EFL1: variants seen among roughly 807,000 people sequenced by gnomAD.
EFL1 encodes the protein elongation factor like GTPase 1.
EFL1 carries 76 observed loss-of-function variants against 126.7 expected under a neutral mutation model. That is an observed-to-expected ratio of 0.60 (90% CI 0.50 to 0.73). The LOEUF (loss-of-function observed/expected upper bound fraction) is 0.73. EFL1 is among the 30% of genes least tolerant of loss of function. EFL1 has a pLI of 0.00. For synonymous variants in EFL1, 410 were observed against 448.4 expected (o/e 0.91, Z 1.08); for missense variants, 1,128 against 1,343.2 (o/e 0.84, Z 2.50).
chr15:82,140,907 G>C (rs966854375), intron 18 of EFL1, among the ~76,000 whole-genome samples: 1 of 152,036 alleles, frequency 6.6e-6, no homozygotes, highest in Non-Finnish European at 1.5e-5. Context: ...TTTCTCCCAG[G>C]GTAGCCCATT....
At chr15:82,141,314 C>A (rs2073784027) in intron 18 of EFL1, among the ~76,000 whole-genome samples, 2 of 152,144 alleles carry the variant, frequency 1.3e-5, no homozygotes, top group South Asian at 4.1e-4. Context: ...GAAAAGAAAT[C>A]TTACCATAAC....
intron 16 of EFL1, chr15:82,160,032 C>T (rs936413576): frequency 6.6e-6 from 1 of 152,298 alleles, no homozygotes; most frequent in Non-Finnish European, 1.5e-5. Flanking sequence ...TCATCCTTGC[C>T]TCCTGATATT....
At chr15:82,228,556 T>C (rs1174397078) in intron 9 of EFL1, among the ~76,000 whole-genome samples, 1 of 152,080 alleles carries the variant, frequency 6.6e-6, no homozygotes, top group Non-Finnish European at 1.5e-5. Context: ...TTCTCCACCA[T>C]CTCCTCAAGC....
At chr15:82,175,533 T>C (rs1436360156) in intron 15 of EFL1, among the ~76,000 whole-genome samples, 1 of 152,160 alleles carries the variant, frequency 6.6e-6, no homozygotes, top group Non-Finnish European at 1.5e-5. Flanking sequence ...ATTTTCAATA[T>C]GAATGGGGTT....
chr15:82,172,904 A>G lies in EFL1; in HGVS notation c.1751-8920T>C, dbSNP rs563666511. On this transcript the variant is annotated intron_variant, in intron 15 of 19. Transcript: ENST00000268206. The stretch of plus-strand genomic sequence containing the variant: ...TATTTATCCCTTACATTAAAGTATT[A>G]TACTGATATTTTTGAAATTATGCAG... Among the ~76,000 whole-genome samples the G allele has an allele frequency of 4.6e-5, 7 of 152,330 alleles. No individual in the cohort carries two copies. The East Asian group carries it at 1.2e-3, about 25-fold the overall frequency.
intron 18 of EFL1, among the ~76,000 whole-genome samples, chr15:82,140,981 C>G (rs1415774906): frequency 6.6e-6 from 1 of 152,214 alleles, no homozygotes; most frequent in Non-Finnish European, 1.5e-5. Context: ...CCTGAAGTTT[C>G]TGACCATCAG....
At chr15:82,191,035 G>A (rs1421991119) in intron 15 of EFL1, among the ~76,000 whole-genome samples, 1 of 148,476 alleles carries the variant, frequency 6.7e-6, no homozygotes, top group Non-Finnish European at 1.5e-5. Flanking sequence ...AAAAAAAAAA[G>A]GGGGGGGAGT....
chr15:82,198,037 C>T (rs1469517967), intron 15 of EFL1, among the ~76,000 whole-genome samples: 1 of 152,200 alleles, frequency 6.6e-6, no homozygotes, highest in Admixed American at 6.5e-5. Context: ...CATTCATATG[C>T]CGTTAACCCT....
chr15:82,251,084 C>A (rs2075017073), intron 4 of EFL1, among the ~76,000 whole-genome samples: 2 of 152,128 alleles, frequency 1.3e-5, no homozygotes, highest in Admixed American at 6.5e-5. Flanking sequence ...CGGTGGCATG[C>A]ATCTGCAATC....
intron 7 of EFL1, 68 bp from the exon 8 acceptor site, chr15:82,231,039 C>T: frequency 6.5e-7 from 1 of 1,543,254 alleles, no homozygotes; most frequent in Non-Finnish European, 8.7e-7. Flanking sequence ...AGGTACTGTT[C>T]AAACTTCTTT....
intron 15 of EFL1, among the ~76,000 whole-genome samples, chr15:82,172,812 C>T (rs1328522258): frequency 6.6e-6 from 1 of 152,160 alleles, no homozygotes; most frequent in Admixed American, 6.5e-5. Flanking sequence ...TGACTTAACT[C>T]ATGTAGTCAA....
At position 82,152,336 on chromosome 15, in the gene EFL1, A is replaced by C. The variant is rs2073921757; in HGVS notation, c.2118T>G (p.Asn706Lys). The change falls in exon 18 of 20, where the codon AAT becomes AAG. Residue 706 changes from asparagine to lysine, a missense_variant. By Grantham distance (94) the Asn-to-Lys change is moderately conservative (BLOSUM62 0). Transcript: ENST00000268206. ...ITKPPKVDMV[N>K]EEIGKQQKVA... ...CTTTTTGCTGTTTGCCTATTTCTTCATTGACCATGTCAACTTTTGGGGGTT... is the reference window on the plus strand; with the variant it reads ...CTTTTTGCTGTTTGCCTATTTCTTCCTTGACCATGTCAACTTTTGGGGGTT... The C allele has an allele frequency of 6.2e-7, 1 of 1,613,766 alleles. No homozygotes were observed. The highest frequency in any genetic ancestry group is 1.7e-5 in the Admixed American group (1 of 59,992).
rs778819355 is a variant in EFL1, at chr15:82,163,843, G to T, written c.1882+10C>A. 3 of 1,612,786 alleles carry T rather than the reference G, an allele frequency of 1.9e-6. No individual in the cohort carries two copies. The highest frequency in any genetic ancestry group is 3.3e-5 in the Admixed American group (2 of 59,780). On this transcript the variant is annotated intron_variant, in intron 16 of 19. Transcript: ENST00000268206. ...ATAAACATATGCTTTTAAAAATAAG[G>T]TCATCTTACTTGGATGTTTTGGTTC...
intron 7 of EFL1, among the ~76,000 whole-genome samples, chr15:82,234,517 A>C (rs550880131): frequency 6.6e-6 from 1 of 152,244 alleles, no homozygotes; most frequent in South Asian, 2.1e-4. Context: ...AAATGGACTA[A>C]GATATCTATA....
chr15:82,192,678 T>C (rs1408079936), intron 15 of EFL1, among the ~76,000 whole-genome samples: 1 of 152,102 alleles, frequency 6.6e-6, no homozygotes, highest in Non-Finnish European at 1.5e-5. Flanking sequence ...ATAGCAACAG[T>C]AATGAATTTG....
At chr15:82,214,936 A>G in intron 14 of EFL1, 81 bp from the exon 15 acceptor site, 1 of 1,451,718 alleles carries the variant, frequency 6.9e-7, no homozygotes. Context: ...ACTTCTATTC[A>G]TCAGTAAGAT....
intron 19 of EFL1, 117 bp downstream of exon 19, chr15:82,138,541 T>G (rs1454316290): frequency 1.6e-5 from 19 of 1,198,212 alleles, no homozygotes; most frequent in Non-Finnish European, 2.2e-5. Flanking sequence ...TTTGACTGAG[T>G]TGAGCCATAG....
chr15:82,194,093 C>A (rs2074385900), intron 15 of EFL1, among the ~76,000 whole-genome samples: 1 of 152,104 alleles, frequency 6.6e-6, no homozygotes, highest in African/African-American at 2.4e-5. Flanking sequence ...ACTTGGGAGT[C>A]CCTAGGTGAG....
chr15:82,183,491 T>C (rs1009771878), intron 15 of EFL1, among the ~76,000 whole-genome samples: 7 of 152,158 alleles, frequency 4.6e-5, no homozygotes, highest in East Asian at 1.9e-4. Flanking sequence ...ACTGGCCCAA[T>C]TGTCCTTGCT....
Sources: gnomAD v4.1 joint callset for allele counts (sites outside exome capture counted in the v4.1 genomes callset) on GRCh38, gnomAD v4.1.1 for gene constraint, MANE v1.5 for transcripts, NCBI Gene and HGNC (gene_info 2026-07-23, HGNC 2026-07-21) for gene names.